Variants in SLC9A4 observed in about 807,000 individuals in gnomAD.
The protein encoded by SLC9A4 is solute carrier family 9 member A4.
In SLC9A4, 63 loss-of-function variants were observed where a neutral mutation model predicts 67.4. The ratio of observed to expected loss-of-function variants is 0.93; its 90% CI spans 0.76 to 1.15. The LOEUF (loss-of-function observed/expected upper bound fraction) is 1.15, where lower values mean the gene tolerates loss of function less well. Ranked by LOEUF, SLC9A4 falls within the 50% of genes most tolerant of loss-of-function variation. SLC9A4 has a pLI of 0.00. For missense variants in SLC9A4, 1,089 were observed against 987.7 expected (o/e 1.10, Z -1.38); for synonymous variants, 393 against 367.2 (o/e 1.07, Z -0.80).
chr2:102,489,303 G>C (rs1052511431), intron 2 of SLC9A4, among the ~76,000 whole-genome samples: 7 of 152,062 alleles, frequency 4.6e-5, no homozygotes, highest in African/African-American at 1.4e-4. Flanking sequence ...GGTGTTGGTG[G>C]AGGTGGATGA....
chr2:102,532,703 A>G lies in SLC9A4; in HGVS notation c.*15A>G, dbSNP rs2008159. ...AAAAAAAATAGTGTTATTGTCCACA[A>G]GATTGTTTTGGTGTTTCTCAAGAGT... On this transcript the variant is annotated 3_prime_UTR_variant, in exon 12 of 12. Transcript: ENST00000295269. The G allele has an allele frequency of 0.63, 1,008,365 of 1,600,920 alleles. 319,091 individuals carry two copies. Among genetic ancestry groups the G allele is most frequent in the Admixed American group, 0.72 (42,273 of 59,048 alleles).
chr2:102,532,242 C>CATTAAAAAA, intron 11 of SLC9A4, 88 bp from the exon 12 acceptor site: 1 of 1,395,514 alleles, frequency 7.2e-7, no homozygotes, highest in South Asian at 1.4e-5. Context: ...AGCTTTGCTT[C>CATTAAAAAA]ACTCTGAGTT....
At chr2:102,476,814 G>A (rs1460982908) in intron 1 of SLC9A4, among the ~76,000 whole-genome samples, 1 of 151,896 alleles carries the variant, frequency 6.6e-6, no homozygotes, top group East Asian at 1.9e-4. Context: ...GAAGGAGGAG[G>A]AGAAATAGGA....
chr2:102,475,188 A>G (rs1381903198), intron 1 of SLC9A4, among the ~76,000 whole-genome samples: 2 of 152,280 alleles, frequency 1.3e-5, no homozygotes, highest in Admixed American at 6.5e-5. Context: ...GTATACAAGT[A>G]AAAATGGCTT....
rs553163150 is a variant in SLC9A4, at chr2:102,491,760, A to G, written c.721-11688A>G. ...TTTCAAAACCAATCATGCCTTCCCA[A>G]TAGTTCCCCAAAGTCTTAACTCATT... On this transcript the variant is annotated intron_variant, in intron 2 of 11. Coordinates refer to ENST00000295269, the MANE Select transcript of SLC9A4 (RefSeq NM_001011552.4). Among the ~76,000 whole-genome samples the G allele has an allele frequency of 5.3e-5, 8 of 152,298 alleles. No individual in the cohort carries two copies. The East Asian group carries it at 1.5e-3, about 29-fold the overall frequency.
chr2:102,496,247 T>C (rs940343899), intron 2 of SLC9A4, among the ~76,000 whole-genome samples: 12 of 151,746 alleles, frequency 7.9e-5, no homozygotes, highest in African/African-American at 2.7e-4. Context: ...GATGATATAC[T>C]CATGGTCAGT....
intron 3 of SLC9A4, among the ~76,000 whole-genome samples, chr2:102,504,011 A>C (rs1684998561): frequency 6.6e-6 from 1 of 152,136 alleles, no homozygotes; most frequent in Non-Finnish European, 1.5e-5. Flanking sequence ...TTCAAGGTTA[A>C]GTTCTCATCT....
intron 2 of SLC9A4, among the ~76,000 whole-genome samples, chr2:102,484,652 G>A (rs1479116009): frequency 1.3e-5 from 2 of 152,110 alleles, no homozygotes; most frequent in African/African-American, 2.4e-5. Context: ...ATGGGAGGGC[G>A]GATTGTTCTT....
In SLC9A4 at chr2:102,473,943, C is replaced by T. The variant is rs767601993; in HGVS notation, c.184C>T (p.Leu62=). 6.2e-6 allele frequency: 10 copies of T among 1,613,926 alleles called. No individual in the cohort carries two copies. The highest frequency in any genetic ancestry group is 8.5e-6 in the Non-Finnish European group (10 of 1,179,954). ...EPEEGISVFE[L]DYDYVQIPYE... ...AGAGGAAGGGATATCTGTTTTTGAA[C>T]TGGATTATGACTATGTGCAAATTCC... The change falls in exon 1 of 12, where the codon CTG becomes TTG. Residue 62 remains leucine, a synonymous_variant. Transcript: ENST00000295269.
At position 102,499,548 on chromosome 2, in the gene SLC9A4, C is replaced by A. The variant is rs535235685; in HGVS notation, c.721-3900C>A. Reference sequence around the variant, plus strand: ...TGTGTGTGTGTCTGTGTGTCTGTTGCATGTGTCTGTTGCTTGTGTGTCTGT... The same window carrying A: ...TGTGTGTGTGTCTGTGTGTCTGTTGAATGTGTCTGTTGCTTGTGTGTCTGT... On this transcript the variant is annotated intron_variant, in intron 2 of 11. Transcript: ENST00000295269. Among the ~76,000 whole-genome samples, 5 of 152,104 alleles carry A rather than the reference C, an allele frequency of 3.3e-5. No individual in the cohort carries two copies. The East Asian group carries it at 7.7e-4, about 24-fold the overall frequency.
At chr2:102,482,210 G>A (rs1232490332) in intron 2 of SLC9A4, among the ~76,000 whole-genome samples, 2 of 152,190 alleles carry the variant, frequency 1.3e-5, no homozygotes, top group Non-Finnish European at 2.9e-5. Flanking sequence ...CTCAGGCCAA[G>A]TGTTTCTGCA....
chr2:102,532,513 G>T lies in SLC9A4; in HGVS notation c.2222G>T (p.Arg741Met). 6.2e-7 allele frequency: 1 copy of T among 1,614,164 alleles called. No individual in the cohort carries two copies. Among genetic ancestry groups the T allele is most frequent in the Non-Finnish European group, 8.5e-7 (1 of 1,180,012 alleles). The change falls in exon 12 of 12, where the codon AGG (arginine) becomes ATG (methionine). Residue 741 changes from arginine (R) to methionine (M), a missense_variant. Physicochemically the swap from Arg to Met is moderately conservative, Grantham distance 91. Transcript: ENST00000295269. ...CAAGAAGAGTACTTGGGTGGAGTAA[G>T]GAGGGTGGCCTTAAGACCCAAACCT... The part of the protein sequence containing the change: ...TSQEEYLGGV[R>M]RVALRPKPLF...
intron 5 of SLC9A4, 98 bp from the exon 6 acceptor site, chr2:102,508,749 A>G (rs747414473): frequency 8.0e-6 from 7 of 877,886 alleles, no homozygotes; most frequent in Non-Finnish European, 1.1e-5. Flanking sequence ...ACAAAAACAT[A>G]TAGATTGGAC....
intron 2 of SLC9A4, among the ~76,000 whole-genome samples, chr2:102,497,092 C>T (rs1684825791): frequency 6.6e-6 from 1 of 152,130 alleles, no homozygotes; most frequent in Admixed American, 6.5e-5. Context: ...GCCATCACAC[C>T]CAGCTAATTT....
chr2:102,490,429 G>A (rs1325053759), intron 2 of SLC9A4, among the ~76,000 whole-genome samples: 1 of 152,194 alleles, frequency 6.6e-6, no homozygotes, highest in Admixed American at 6.5e-5. Flanking sequence ...TTCTTGCTTT[G>A]TCCTTATGTG....
intron 2 of SLC9A4, among the ~76,000 whole-genome samples, chr2:102,481,630 A>C (rs986443547): frequency 2.6e-5 from 4 of 152,170 alleles, no homozygotes; most frequent in Admixed American, 2.6e-4. Flanking sequence ...GAATTCATTA[A>C]ATTATCTTAC....
At chr2:102,475,774 A>G (rs1684317442) in intron 1 of SLC9A4, among the ~76,000 whole-genome samples, 1 of 152,202 alleles carries the variant, frequency 6.6e-6, no homozygotes, top group Non-Finnish European at 1.5e-5. Flanking sequence ...ATATTTATTG[A>G]ATATATACTA....
chr2:102,527,793 A>G (rs1201693609), intron 11 of SLC9A4, among the ~76,000 whole-genome samples: 1 of 152,160 alleles, frequency 6.6e-6, no homozygotes, highest in Non-Finnish European at 1.5e-5. Context: ...TATATGTCAG[A>G]TTTAATTTTC....
At position 102,508,410 on chromosome 2, in the gene SLC9A4, G is replaced by A. The variant is rs1326242595; in HGVS notation, c.1401+129G>A. Reference sequence around the variant, plus strand: ...GCTCAATACCCAAACTAAATTTCCGGAGATTTCTAGATCATGTTTGTGACC... The same window carrying A: ...GCTCAATACCCAAACTAAATTTCCGAAGATTTCTAGATCATGTTTGTGACC... On this transcript the variant is annotated intron_variant, in intron 5 of 11. Transcript: ENST00000295269. 3.6e-6 allele frequency: 3 copies of A among 836,088 alleles called. No homozygotes were observed. In the African/African-American group the frequency reaches 5.2e-5, roughly 14 times the overall value. 51.8% of individuals were successfully genotyped at this position (836,088 alleles called of 1,614,324 possible).
Sources: gnomAD v4.1 joint callset for allele counts (sites outside exome capture counted in the v4.1 genomes callset) on GRCh38, gnomAD v4.1.1 for gene constraint, MANE v1.5 for transcripts, NCBI Gene and HGNC (gene_info 2026-07-23, HGNC 2026-07-21) for gene names.